The following TMEFF2 variants were observed in gnomAD, a reference collection of about 807,000 sequenced individuals.
The protein encoded by TMEFF2 is tomoregulin-2.
In TMEFF2, 28 loss-of-function variants were observed where a neutral mutation model predicts 53.8. The ratio of observed to expected loss-of-function variants is 0.52; its 90% CI spans 0.39 to 0.71. The LOEUF is 0.71. Among genes scored for constraint, TMEFF2 ranks in the 30% least tolerant of loss-of-function variants. The probability of loss-of-function intolerance (pLI) is 0.00; values close to 1 mark genes in which losing one functional copy is unlikely to be tolerated. For missense variants in TMEFF2, 353 were observed against 455.2 expected (o/e 0.78, Z 2.04); for synonymous variants, 162 against 166.3 (o/e 0.97, Z 0.20).
intron 4 of TMEFF2, among the ~76,000 whole-genome samples, chr2:192,080,966 A>G (rs896627161): frequency 1.3e-5 from 2 of 152,214 alleles, no homozygotes; most frequent in Non-Finnish European, 2.9e-5. Flanking sequence ...TCGTTGCTGA[A>G]TAAAGTATTT....
intron 7 of TMEFF2, among the ~76,000 whole-genome samples, chr2:191,957,201 C>T (rs1191137995): frequency 2.6e-5 from 4 of 152,126 alleles, no homozygotes; most frequent in Admixed American, 6.5e-5. Context: ...AGTCCAAAAA[C>T]GTTTGCTTCA....
intron 4 of TMEFF2, among the ~76,000 whole-genome samples, chr2:192,070,009 T>TGC (rs1414625424): frequency 5.3e-5 from 1 of 18,786 alleles, no homozygotes; most frequent in African/African-American, 2.0e-4. Flanking sequence ...TATATATATA[T>TGC]ATATATATAT....
At chr2:192,096,896 A>C (rs1316233959) in intron 4 of TMEFF2, among the ~76,000 whole-genome samples, 1 of 151,732 alleles carries the variant, frequency 6.6e-6, no homozygotes, top group Non-Finnish European at 1.5e-5. Flanking sequence ...GGTTGGTCTC[A>C]AACTCTGGAC....
At chr2:192,164,714 G>A (rs1176669612) in intron 4 of TMEFF2, among the ~76,000 whole-genome samples, 2 of 132,692 alleles carry the variant, frequency 1.5e-5, no homozygotes, top group Non-Finnish European at 3.3e-5. Flanking sequence ...GTGACATAGC[G>A]AGACTTCGTC....
intron 4 of TMEFF2, among the ~76,000 whole-genome samples, chr2:192,089,827 GAA>G (rs1308977420): frequency 2.0e-5 from 3 of 152,118 alleles, no homozygotes; most frequent in Non-Finnish European, 4.4e-5. Context: ...GGTTAAATAA[GAA>G]AAGACATATA....
In TMEFF2 at chr2:192,194,845, G is replaced by C; in HGVS notation, c.-321C>G. Reference sequence around the variant, plus strand: ...GAGACGGGAGTCCAGGGGCAGACGAGTGGAGCCCGAGGAGGCAGGGTGGAG... The same window carrying C: ...GAGACGGGAGTCCAGGGGCAGACGACTGGAGCCCGAGGAGGCAGGGTGGAG... On this transcript the variant is annotated 5_prime_UTR_variant, in exon 1 of 10. Coordinates refer to ENST00000272771, the MANE Select transcript of TMEFF2 (RefSeq NM_016192.4). The surrounding 1 kb of genome is among the most constrained non-coding windows in gnomAD (Gnocchi z 4.2). 1 of 339,176 alleles carries C rather than the reference G, an allele frequency of 2.9e-6. No homozygotes were observed. Among genetic ancestry groups the C allele is most frequent in the Non-Finnish European group, 5.5e-6 (1 of 181,494 alleles). 21.0% of individuals were successfully genotyped at this position (339,176 alleles called of 1,614,324 possible).
chr2:192,030,375 T>C (rs1473348191), intron 5 of TMEFF2: 1 of 152,098 alleles, frequency 6.6e-6, no homozygotes, highest in Non-Finnish European at 1.5e-5. Flanking sequence ...AAATCAGCTG[T>C]GGTTGGTGGT....
Position 191,949,769 on chromosome 2 carries a change from A to C in TMEFF2, c.*542T>G. 2 of 985,332 alleles carry C rather than the reference A, an allele frequency of 2.0e-6. No individual in the cohort carries two copies. Among genetic ancestry groups the C allele is most frequent in the Non-Finnish European group, 2.4e-6 (2 of 829,824 alleles). The allele number at this position is 985,332 out of a possible 1,614,324, so 61.0% of individuals were successfully genotyped here. On this transcript the variant is annotated 3_prime_UTR_variant, in exon 10 of 10. Transcript: ENST00000272771. ...GGAAGACCAGGGAAGAAAGTTGATG[A>C]AATAGAGATGATTCAAAGATCGGAA...
rs140742548 is a variant in TMEFF2 at position 192,139,482 on chromosome 2, G to T, written c.439+40186C>A. The stretch of plus-strand genomic sequence containing the variant: ...TGAATGTAGCAGTCCAAACACTGAT[G>T]AATTACATTTGAAAGGTGAAACAAA... On this transcript the variant is annotated intron_variant, in intron 4 of 9. Transcript: ENST00000272771. 5.4e-3 allele frequency among the ~76,000 whole-genome samples: 828 copies of T among 152,280 alleles called. 7 individuals are homozygous for T. The highest frequency in any genetic ancestry group is 0.018 in the African/African-American group (757 of 41,558).
intron 5 of TMEFF2, among the ~76,000 whole-genome samples, chr2:192,053,264 A>G (rs1687818006): frequency 6.6e-6 from 1 of 151,840 alleles, no homozygotes; most frequent in African/African-American, 2.4e-5. Flanking sequence ...TTTTATTCCC[A>G]TCTCCAGTGT....
chr2:192,171,342 T>C (rs185466437), intron 4 of TMEFF2, among the ~76,000 whole-genome samples: 4 of 152,088 alleles, frequency 2.6e-5, no homozygotes, highest in African/African-American at 4.8e-5. Flanking sequence ...AAAGAAACTT[T>C]ATCTTTTTTT....
chr2:192,084,040 C>G (rs916768420), intron 4 of TMEFF2, among the ~76,000 whole-genome samples: 17 of 152,066 alleles, frequency 1.1e-4, no homozygotes, highest in Non-Finnish European at 1.8e-4. Flanking sequence ...TAATTTAATA[C>G]TCAAAATAGC....
At chr2:192,146,857 A>G (rs1309433125) in intron 4 of TMEFF2, among the ~76,000 whole-genome samples, 1 of 152,150 alleles carries the variant, frequency 6.6e-6, no homozygotes, top group Non-Finnish European at 1.5e-5. Context: ...AGCGTAAGCT[A>G]AGCAATACTG....
chr2:192,046,065 T>C (rs1314355925), intron 5 of TMEFF2, among the ~76,000 whole-genome samples: 2 of 152,186 alleles, frequency 1.3e-5, no homozygotes, highest in East Asian at 3.9e-4. Flanking sequence ...CTATAGCTGC[T>C]GGCTTGATAG....
intron 5 of TMEFF2, among the ~76,000 whole-genome samples, chr2:192,025,369 CAG>C (rs1686947662): frequency 9.5e-6 from 1 of 104,934 alleles, no homozygotes; most frequent in Admixed American, 1.2e-4. Context: ...ATTCAGCTAA[CAG>C]AAGGGTTTTT....
intron 4 of TMEFF2, among the ~76,000 whole-genome samples, chr2:192,164,996 G>GTGTGTGTGTGTGTGTGTA (rs1477470731): frequency 6.6e-6 from 1 of 151,968 alleles, no homozygotes; most frequent in Non-Finnish European, 1.5e-5. Context: ...GTGTGTGTGT[G>GTGTGTGTGTGTGTGTGTA]TGTGTGTGTG....
intron 4 of TMEFF2, among the ~76,000 whole-genome samples, chr2:192,080,229 A>G (rs1212780936): frequency 1.3e-5 from 2 of 152,200 alleles, no homozygotes; most frequent in African/African-American, 4.8e-5. Flanking sequence ...AGTGCATGTT[A>G]AATTGTAATC....
chr2:192,169,857 C>T (rs905362536), intron 4 of TMEFF2, among the ~76,000 whole-genome samples: 3 of 152,004 alleles, frequency 2.0e-5, no homozygotes, highest in African/African-American at 4.8e-5. Context: ...TACTGAAAGG[C>T]CAAGGGAGTT....
chr2:191,987,342 C>T (rs957981825), intron 7 of TMEFF2, among the ~76,000 whole-genome samples: 4 of 152,082 alleles, frequency 2.6e-5, no homozygotes, highest in Non-Finnish European at 5.9e-5. Context: ...GATTTCTGAA[C>T]TAAAGCTATA....
Sources: allele counts gnomAD v4.1 joint callset (sites outside exome capture counted in the v4.1 genomes callset), GRCh38; gene constraint gnomAD v4.1.1; non-coding constraint Gnocchi (gnomAD v3.1); transcripts MANE v1.5; gene names NCBI Gene and HGNC (gene_info 2026-07-23, HGNC 2026-07-21).